The following KCNH8 variants were observed in gnomAD, a reference collection of about 807,000 sequenced individuals.
KCNH8 encodes potassium voltage-gated channel subfamily H member 8.
Under a neutral mutation model 103.6 loss-of-function variants are expected in KCNH8, and 70 were observed. That is an observed-to-expected ratio of 0.68 (90% CI 0.56 to 0.82). The LOEUF (loss-of-function observed/expected upper bound fraction) is 0.82. KCNH8 is among the 40% of genes least tolerant of loss of function. KCNH8 has a pLI of 0.00. For synonymous variants in KCNH8, 498 were observed against 489.4 expected (o/e 1.02, Z -0.23); for missense variants, 1,217 against 1,329.9 (o/e 0.92, Z 1.32).
At position 19,234,693 on chromosome 3, in the gene KCNH8, A is replaced by G. The variant is rs1010885600; in HGVS notation, c.77-18961A>G. Among the ~76,000 whole-genome samples the G allele has an allele frequency of 7.9e-5, 12 of 151,570 alleles. 1 individual carries two copies. The highest frequency in any genetic ancestry group is 3.9e-4 in the Admixed American group (6 of 15,246). ...TGGGCAGCCCAGAAAGGGGCTCCAC[A>G]GTGCAGCGGCGGGCTGAAGGGCTCC... On this transcript the variant is annotated intron_variant, in intron 1 of 15. Coordinates refer to ENST00000328405, the MANE Select transcript of KCNH8 (RefSeq NM_144633.3).
chr3:19,307,791 C>A (rs1392291694), intron 3 of KCNH8, among the ~76,000 whole-genome samples: 1 of 151,582 alleles, frequency 6.6e-6, no homozygotes, highest in Non-Finnish European at 1.5e-5. Context: ...GTGAAATAAG[C>A]CAGAAATATA....
At chr3:19,284,363 G>A (rs755785828) in intron 3 of KCNH8, among the ~76,000 whole-genome samples, 13 of 152,070 alleles carry the variant, frequency 8.5e-5, no homozygotes, top group Non-Finnish European at 1.6e-4. Context: ...TTATTTAAAT[G>A]AGGAAGAACC....
chr3:19,260,487 G>T (rs1362463332), intron 2 of KCNH8, among the ~76,000 whole-genome samples: 1 of 40,034 alleles, frequency 2.5e-5, no homozygotes, highest in Non-Finnish European at 5.7e-5. Flanking sequence ...TACTCTATAG[G>T]ATATATATAT....
intron 6 of KCNH8, among the ~76,000 whole-genome samples, chr3:19,394,176 A>ACATCAAGAAGTTTGTCAAACTG (rs1463093920): frequency 2.6e-5 from 4 of 152,076 alleles, no homozygotes; most frequent in African/African-American, 9.7e-5. Context: ...ATTAAAGGTG[A>ACATCAAGAAGTTTGTCAAACTG]CATCAAGAAG....
chr3:19,423,675 C>T (rs961314809), intron 7 of KCNH8, among the ~76,000 whole-genome samples: 3 of 151,694 alleles, frequency 2.0e-5, no homozygotes, highest in Admixed American at 6.6e-5. Flanking sequence ...TCTGTATCCA[C>T]GCATTGGTTA....
At chr3:19,246,534 C>T (rs1219615021) in intron 1 of KCNH8, among the ~76,000 whole-genome samples, 1 of 151,970 alleles carries the variant, frequency 6.6e-6, no homozygotes, top group African/African-American at 2.4e-5. Flanking sequence ...CTCGGCCTCC[C>T]AAAGTGCTGG....
At chr3:19,394,877 G>C (rs2066491518) in intron 6 of KCNH8, among the ~76,000 whole-genome samples, 1 of 151,858 alleles carries the variant, frequency 6.6e-6, no homozygotes, top group South Asian at 2.1e-4. Flanking sequence ...ATTAAGAAAG[G>C]TGTTTACTCA....
At chr3:19,500,146 C>G (rs1317897021) in intron 11 of KCNH8, among the ~76,000 whole-genome samples, 1 of 152,128 alleles carries the variant, frequency 6.6e-6, no homozygotes, top group African/African-American at 2.4e-5. Flanking sequence ...ATCCTAGTCT[C>G]TGATAAAACA....
chr3:19,531,589 G>T (rs540705370), intron 15 of KCNH8, among the ~76,000 whole-genome samples: 1 of 152,168 alleles, frequency 6.6e-6, no homozygotes, highest in African/African-American at 2.4e-5. Flanking sequence ...TTTCAAGGCA[G>T]GTGTTACCAG....
intron 3 of KCNH8, among the ~76,000 whole-genome samples, chr3:19,306,507 A>G (rs1201468754): frequency 1.3e-5 from 2 of 152,120 alleles, no homozygotes; most frequent in Non-Finnish European, 2.9e-5. Context: ...ATGCCAGGCA[A>G]TATGCTGGTT....
intron 1 of KCNH8, among the ~76,000 whole-genome samples, chr3:19,234,151 G>C (rs1371768364): frequency 6.6e-6 from 1 of 152,184 alleles, no homozygotes; most frequent in East Asian, 1.9e-4. Context: ...TGTTTGGTGC[G>C]TTCACAATCC....
At chr3:19,350,054 T>C (rs1170169277) in intron 5 of KCNH8, among the ~76,000 whole-genome samples, 3 of 152,134 alleles carry the variant, frequency 2.0e-5, no homozygotes, top group Non-Finnish European at 2.9e-5. Context: ...GTAAAAACTT[T>C]CCTATTCTTT....
intron 5 of KCNH8, among the ~76,000 whole-genome samples, chr3:19,351,871 A>G (rs539016393): frequency 6.6e-6 from 1 of 152,168 alleles, no homozygotes; most frequent in African/African-American, 2.4e-5. Context: ...GACAGGATCA[A>G]ATTCACACAT....
At chr3:19,527,947 T>C (rs949136249) in intron 15 of KCNH8, among the ~76,000 whole-genome samples, 2 of 152,046 alleles carry the variant, frequency 1.3e-5, no homozygotes, top group African/African-American at 2.4e-5. Context: ...CACTTCTTTT[T>C]TTTAACAGTT....
chr3:19,222,398 G>T (rs1209127299), intron 1 of KCNH8, among the ~76,000 whole-genome samples: 1 of 152,072 alleles, frequency 6.6e-6, no homozygotes, highest in Non-Finnish European at 1.5e-5. Flanking sequence ...GAATGTTTTG[G>T]ATAGCCACAA....
chr3:19,180,256 TTGGCCCTTCAAAGGGC>T (rs2063438293), intron 1 of KCNH8, among the ~76,000 whole-genome samples: 1 of 7,908 alleles, frequency 1.3e-4, no homozygotes, highest in Non-Finnish European at 3.4e-4. Flanking sequence ...CAAGACAGAC[TTGGCCCTTCAAAGGGC>T]CAAGACAGAC....
intron 3 of KCNH8, among the ~76,000 whole-genome samples, chr3:19,301,352 T>C (rs2125289692): frequency 6.7e-6 from 1 of 148,518 alleles, no homozygotes; most frequent in Non-Finnish European, 1.5e-5. Context: ...ATATATAATA[T>C]ATATTTATAA....
chr3:19,507,918 A>G (rs57684768), intron 11 of KCNH8, among the ~76,000 whole-genome samples: 7,084 of 152,058 alleles, frequency 0.047, 382 homozygotes, highest in East Asian at 0.26. Context: ...GGCTCTTACT[A>G]TTTTCGGGTA....
chr3:19,281,461 C>A, intron 3 of KCNH8, 132 bp downstream of exon 3: 1 of 720,614 alleles, frequency 1.4e-6, no homozygotes, highest in Admixed American at 3.3e-5. Context: ...TAGCAGTCAG[C>A]ATTTGGTGCA....
Sources: allele counts gnomAD v4.1 joint callset (sites outside exome capture counted in the v4.1 genomes callset), GRCh38; gene constraint gnomAD v4.1.1; transcripts MANE v1.5; gene names NCBI Gene and HGNC (gene_info 2026-07-23, HGNC 2026-07-21).